ANOS1: variants seen among roughly 807,000 people sequenced by gnomAD.
The protein encoded by ANOS1 is anosmin-1.
ANOS1 carries 6 observed loss-of-function variants against 59.0 expected under a neutral mutation model. The ratio of observed to expected loss-of-function variants is 0.10; its 90% confidence interval spans 0.06 to 0.20. The LOEUF (loss-of-function observed/expected upper bound fraction) is 0.20, where lower values mean the gene tolerates loss of function less well. Ranked by LOEUF, ANOS1 falls within the 10% of genes least tolerant of loss-of-function variation. ANOS1 has a pLI of 1.00. For missense variants in ANOS1, 433 were observed against 542.3 expected (o/e 0.80, Z 2.00); for synonymous variants, 217 against 223.4 (o/e 0.97, Z 0.25).
rs185766243 is a variant in ANOS1, at chrX:8,640,232, G to A, written c.256-16562C>T. ...GGGGATCTCAAAGCCCTCCTTTGTG[G>A]GCCTAGTTGAGGGTCAGGTTAAGTA... On this transcript the variant is annotated intron_variant, in intron 2 of 13. Coordinates refer to ENST00000262648, the MANE Select transcript of ANOS1 (RefSeq NM_000216.4). 1.9e-3 allele frequency among the ~76,000 whole-genome samples: 208 copies of A among 111,018 alleles called. 1 individual carries two copies. Among genetic ancestry groups the A allele is most frequent in the Middle Eastern group, 9.4e-3 (2 of 213 alleles).
intron 1 of ANOS1, among the ~76,000 whole-genome samples, chrX:8,707,135 C>T (rs767342452): frequency 2.7e-5 from 3 of 111,857 alleles, no homozygotes; most frequent in Non-Finnish European, 5.6e-5. Flanking sequence ...ATCATATGCC[C>T]CCCAGCCTGG....
chrX:8,717,583 C>T (rs905430557), intron 1 of ANOS1, among the ~76,000 whole-genome samples: 11 of 110,955 alleles, frequency 9.9e-5, no homozygotes, highest in African/African-American at 3.3e-4. Context: ...GGAATGATGA[C>T]CACTAGGTTT....
chrX:8,641,828 G>T (rs1467319183), intron 2 of ANOS1, among the ~76,000 whole-genome samples: 1 of 110,690 alleles, frequency 9.0e-6, no homozygotes, highest in South Asian at 3.7e-4. Context: ...AATGCTTAGA[G>T]TTCTAGATAG....
chrX:8,624,530 ACAT>A (rs1285794752), intron 2 of ANOS1, among the ~76,000 whole-genome samples: 1 of 111,599 alleles, frequency 9.0e-6, no homozygotes, highest in African/African-American at 3.3e-5. Context: ...GCACTCAGAT[ACAT>A]CGAGTTTAAT....
At chrX:8,552,623 T>C (rs954174088) in intron 9 of ANOS1, among the ~76,000 whole-genome samples, 1 of 111,874 alleles carries the variant, frequency 8.9e-6, no homozygotes, top group Non-Finnish European at 1.9e-5. Context: ...AAATATTGAG[T>C]TTTAAAAGTC....
rs1929579578 is a variant in ANOS1, at chrX:8,535,743, T to C, written c.1690A>G (p.Asn564Asp). The stretch of plus-strand genomic sequence containing the variant: ...TTCCAAGAAAAGTGACCGGTGATGT[T>C]CACATCCTGGACGATGAATGAAGCA... The part of the protein sequence containing the change: ...LSASFIVQDV[N>D]ITGHFSWKMA... The change falls in exon 12 of 14, where the codon AAC becomes GAC. Residue 564 changes from asparagine to aspartate, a missense_variant. Coordinates refer to ENST00000262648, the MANE Select transcript of ANOS1 (RefSeq NM_000216.4). 1.7e-6 allele frequency: 2 copies of C among 1,211,933 alleles called. No individual in the cohort carries two copies. The highest frequency in any genetic ancestry group is 3.5e-5 in the African/African-American group (2 of 57,872).
At chrX:8,573,694 A>G (rs12007994) in intron 6 of ANOS1, among the ~76,000 whole-genome samples, 2 of 110,218 alleles carry the variant, frequency 1.8e-5, no homozygotes, top group African/African-American at 3.3e-5. Context: ...TGTCCCAAAG[A>G]AAAATCATGA....
intron 2 of ANOS1, among the ~76,000 whole-genome samples, chrX:8,686,735 T>G (rs1045208912): frequency 1.8e-5 from 2 of 111,420 alleles, no homozygotes; most frequent in African/African-American, 6.5e-5. Flanking sequence ...GCAGATCACC[T>G]CAGGTCAGGA....
At chrX:8,558,478 A>G (rs1057352202) in intron 8 of ANOS1, among the ~76,000 whole-genome samples, 3 of 110,992 alleles carry the variant, frequency 2.7e-5, no homozygotes, top group African/African-American at 9.8e-5. Flanking sequence ...TACTAAAAGT[A>G]TATTACATAT....
At chrX:8,566,237 T>C in intron 8 of ANOS1, 3 of 752,754 alleles carry the variant, frequency 4.0e-6, no homozygotes, top group Non-Finnish European at 4.7e-6. Context: ...CAGATCTTTG[T>C]TATTATTTTA....
At chrX:8,642,938 A>C (rs773717539) in intron 2 of ANOS1, among the ~76,000 whole-genome samples, 4 of 112,417 alleles carry the variant, frequency 3.6e-5, no homozygotes, top group Admixed American at 2.8e-4. Context: ...AACACATAAA[A>C]ATGGAAAACT....
At chrX:8,642,849 G>A (rs2146858534) in intron 2 of ANOS1, among the ~76,000 whole-genome samples, 1 of 111,822 alleles carries the variant, frequency 8.9e-6, no homozygotes, top group South Asian at 3.8e-4. Context: ...AGGTGATCTT[G>A]ATGCAGGCTG....
intron 1 of ANOS1, among the ~76,000 whole-genome samples, chrX:8,700,194 A>G (rs1222510225): frequency 8.9e-6 from 1 of 112,050 alleles, no homozygotes; most frequent in Non-Finnish European, 1.9e-5. Flanking sequence ...ACACTTCTAT[A>G]AAGAACTACC....
At chrX:8,620,541 A>G (rs1262587113) in intron 3 of ANOS1, among the ~76,000 whole-genome samples, 3 of 111,981 alleles carry the variant, frequency 2.7e-5, no homozygotes, top group Admixed American at 9.5e-5. Context: ...GATGAACGGG[A>G]TTGTTTTAGG....
At chrX:8,627,750 C>T (rs1483130633) in intron 2 of ANOS1, among the ~76,000 whole-genome samples, 1 of 107,933 alleles carries the variant, frequency 9.3e-6, no homozygotes, top group African/African-American at 3.4e-5. Context: ...AAGATTTCAA[C>T]AAAAGCTAAA....
intron 2 of ANOS1, among the ~76,000 whole-genome samples, chrX:8,679,684 G>A (rs779800002): frequency 4.5e-5 from 5 of 111,009 alleles, no homozygotes; most frequent in Non-Finnish European, 9.4e-5. Flanking sequence ...TGGAGTTTTA[G>A]TTTGGTAAGA....
intron 1 of ANOS1, among the ~76,000 whole-genome samples, chrX:8,727,260 C>T (rs1932928022): frequency 8.9e-6 from 1 of 111,939 alleles, no homozygotes; most frequent in Non-Finnish European, 1.9e-5. Flanking sequence ...GTTCTCACCG[C>T]CCATTCCCCC....
intron 9 of ANOS1, among the ~76,000 whole-genome samples, chrX:8,544,179 A>C (rs1384192371): frequency 9.2e-6 from 1 of 109,097 alleles, no homozygotes; most frequent in Non-Finnish European, 1.9e-5. Flanking sequence ...CAAAAGTCTA[A>C]TGACAAAGAA....
chrX:8,649,251 T>C (rs751292574), intron 2 of ANOS1, among the ~76,000 whole-genome samples: 32 of 112,015 alleles, frequency 2.9e-4, no homozygotes, highest in African/African-American at 7.5e-4. Flanking sequence ...GATGGAAGCA[T>C]TGAGGGAAAA....
Sources: gnomAD v4.1 joint callset for allele counts (sites outside exome capture counted in the v4.1 genomes callset) on GRCh38, gnomAD v4.1.1 for gene constraint, MANE v1.5 for transcripts, NCBI Gene and HGNC (gene_info 2026-07-23, HGNC 2026-07-21) for gene names.